The following ACSL1 variants were observed in gnomAD, a reference collection of about 807,000 sequenced individuals.
ACSL1 encodes acyl-CoA synthetase long chain family member 1.
In ACSL1, 41 loss-of-function variants were observed where a neutral mutation model predicts 98.4. The observed-to-expected ratio is 0.42, with a 90% CI of 0.32 to 0.54. The LOEUF (loss-of-function observed/expected upper bound fraction) is 0.54. ACSL1 is among the 20% of genes least tolerant of loss of function. The pLI, the probability that ACSL1 is intolerant of heterozygous loss-of-function variation, is 0.13. For missense variants in ACSL1, 734 were observed against 883.1 expected (o/e 0.83, Z 2.14); for synonymous variants, 316 against 322.7 (o/e 0.98, Z 0.22).
chr4:184,819,510 T>C (rs1238240491), intron 1 of ACSL1, among the ~76,000 whole-genome samples: 1 of 152,112 alleles, frequency 6.6e-6, no homozygotes, highest in Non-Finnish European at 1.5e-5. Flanking sequence ...TTTCAGTGTC[T>C]TGATCTTAGC....
chr4:184,815,616 G>A (rs1354353929), intron 1 of ACSL1, among the ~76,000 whole-genome samples: 7 of 152,088 alleles, frequency 4.6e-5, no homozygotes, highest in Admixed American at 4.6e-4. Flanking sequence ...AAAGGGCAAA[G>A]GTTGGGTAGA....
chr4:184,782,264 TA>T (rs33965361), intron 4 of ACSL1, among the ~76,000 whole-genome samples: 17 of 143,222 alleles, frequency 1.2e-4, no homozygotes, highest in South Asian at 2.2e-4. Flanking sequence ...CATACATTCT[TA>T]AAAAAAAAAA....
rs1341099310 is a variant in ACSL1, at chr4:184,786,029, G to C, written c.311-2038C>G. Among the ~76,000 whole-genome samples the C allele has an allele frequency of 2.0e-5, 3 of 152,066 alleles. No individual in the cohort carries two copies. The East Asian group carries it at 5.8e-4, about 29-fold the overall frequency. On this transcript the variant is annotated intron_variant, in intron 3 of 20. Coordinates refer to ENST00000281455, the MANE Select transcript of ACSL1 (RefSeq NM_001995.5). ...CGGAGTGAGTGTGTGAGTGTGAGTG[G>C]GTGTGAGTATGAGTCTCCCTACGAT...
rs574287279 is a variant in ACSL1, at chr4:184,777,115, C to T, written c.478-132G>A. 115 of 758,676 alleles carry T rather than the reference C, an allele frequency of 1.5e-4. No homozygotes were observed. The East Asian group carries it at 2.9e-3, about 19-fold the overall frequency. The allele number at this position is 758,676 out of a possible 1,614,324, so 47.0% of individuals were successfully genotyped here. A position where few individuals can be genotyped will look rare whatever the true frequency, so the allele number is the denominator to read the frequency against. On this transcript the variant is annotated intron_variant, in intron 5 of 20. Transcript: ENST00000281455. ...AAATTAACATCTGTGTTAGCTACTA[C>T]TCTGTGCCAGGTGCTATAAGGGATT...
At chr4:184,787,751 C>T (rs987645776) in intron 3 of ACSL1, among the ~76,000 whole-genome samples, 1 of 152,108 alleles carries the variant, frequency 6.6e-6, no homozygotes, top group African/African-American at 2.4e-5. Flanking sequence ...GTAATCCCAG[C>T]TACTCAGGAG....
Position 184,780,360 on chromosome 4 carries a change from A to G in ACSL1, c.449T>C (p.Ile150Thr), listed in dbSNP as rs1766038918. The change falls in exon 5 of 21, where the codon ATT becomes ACT. Residue 150 changes from isoleucine (I) to threonine (T), a missense_variant. Physicochemically the swap from Ile to Thr is moderately conservative, Grantham distance 89. Transcript: ENST00000281455. ...AGGTCTATTTTGAGCAAAGATGCCA[A>G]TGAACTGATCTGGGGCAGTCTTGAA... The part of the protein sequence containing the change: ...KGFKTAPDQF[I>T]GIFAQNRPEW... The G allele has an allele frequency of 2.5e-6, 4 of 1,613,798 alleles. No individual in the cohort carries two copies. The Admixed American group carries it at 5.0e-5, about 20-fold the overall frequency.
chr4:184,757,874 G>T lies in ACSL1; in HGVS notation c.1829C>A (p.Ser610Tyr). 1 of 1,614,082 alleles carries T rather than the reference G, an allele frequency of 6.2e-7. No individual in the cohort carries two copies. The highest frequency in any genetic ancestry group is 8.5e-7 in the Non-Finnish European group (1 of 1,180,022). The change falls in exon 19 of 21, where the codon TCC (serine) becomes TAC (tyrosine). Residue 610 changes from serine (S) to tyrosine (Y), a missense_variant. By Grantham distance (144) the Ser-to-Tyr change is moderately radical. Coordinates refer to ENST00000281455, the MANE Select transcript of ACSL1 (RefSeq NM_001995.5). The surrounding 1 kb of genome is among the most constrained non-coding windows in gnomAD (Gnocchi z 4.5). The part of the protein sequence containing the change: ...IVVPDVETLC[S>Y]WAQKRGFEGS... ...TTCAAATCCTCTCTTTTGGGCCCAGGAACATAATGTCTCAACATCTGGTAC... is the reference window on the plus strand; with the variant it reads ...TTCAAATCCTCTCTTTTGGGCCCAGTAACATAATGTCTCAACATCTGGTAC...
At chr4:184,778,280 G>A (rs1765629603) in intron 5 of ACSL1, among the ~76,000 whole-genome samples, 1 of 152,216 alleles carries the variant, frequency 6.6e-6, no homozygotes, top group Admixed American at 6.5e-5. Flanking sequence ...CACAGCCGGG[G>A]GAAGGGGGCA....
chr4:184,761,703 G>A (rs1762872628), intron 17 of ACSL1, among the ~76,000 whole-genome samples: 1 of 152,202 alleles, frequency 6.6e-6, no homozygotes, highest in South Asian at 2.1e-4. Flanking sequence ...ATTGCTGGAA[G>A]TCTACCACAA....
chr4:184,765,940 G>A lies in ACSL1; in HGVS notation c.1310C>T (p.Pro437Leu), dbSNP rs747993311. The change falls in exon 14 of 21, where the codon CCG (proline) becomes CTG (leucine). Residue 437 changes from proline to leucine, a missense_variant. By Grantham distance (98) the Pro-to-Leu change is moderately conservative. Coordinates refer to ENST00000281455, the MANE Select transcript of ACSL1 (RefSeq NM_001995.5). Reference protein sequence around the residue: ...RVRLMVTGAAPVSATVLTFLR... With the variant: ...RVRLMVTGAALVSATVLTFLR... ...GAACGTCAGCACAGTGGCAGACACC[G>A]GGGCGGCTCCTGTCACCATCAGCCG... 8 of 1,613,900 alleles carry A rather than the reference G, an allele frequency of 5.0e-6. No individual in the cohort carries two copies. The highest frequency in any genetic ancestry group is 3.3e-5 in the Admixed American group (2 of 59,992).
intron 12 of ACSL1, 181 bp downstream of exon 12, chr4:184,768,135 C>T: frequency 3.4e-6 from 2 of 595,400 alleles, no homozygotes; most frequent in South Asian, 2.8e-5. Flanking sequence ...TCTTATAATC[C>T]TTATCAGCCA....
intron 1 of ACSL1, chr4:184,808,307 T>G: frequency 1.0e-6 from 1 of 985,386 alleles, no homozygotes; most frequent in Non-Finnish European, 1.2e-6. Flanking sequence ...CATTGTATTC[T>G]CTTCATGTCA....
chr4:184,766,193 G>A lies in ACSL1; in HGVS notation c.1264-207C>T, dbSNP rs1278170170. 6.6e-6 allele frequency among the ~76,000 whole-genome samples: 1 copy of A among 152,186 alleles called. No individual in the cohort carries two copies. The highest frequency in any genetic ancestry group is 1.5e-5 in the Non-Finnish European group (1 of 68,038). On this transcript the variant is annotated intron_variant, in intron 13 of 20. Transcript: ENST00000281455. The surrounding 1 kb of genome is among the most constrained non-coding windows in gnomAD (Gnocchi z 4.8). ...GTGACTGCCCTGTTCCCTCCCAATG[G>A]GGATGGAAGTCAGCCCCACCTCTGC...
chr4:184,799,229 G>A (rs1028076013), intron 2 of ACSL1, among the ~76,000 whole-genome samples: 11 of 149,476 alleles, frequency 7.4e-5, no homozygotes, highest in Middle Eastern at 3.5e-3. Flanking sequence ...AGCAATTCCC[G>A]TCTCAGCCTC....
Position 184,786,465 on chromosome 4 carries a change from C to T in ACSL1, c.310+2152G>A, listed in dbSNP as rs1026088169. On this transcript the variant is annotated intron_variant, in intron 3 of 20. Coordinates refer to ENST00000281455, the MANE Select transcript of ACSL1 (RefSeq NM_001995.5). ...ACACACACACACACACACACTGTTT[C>T]ATGTGCCATATGTTAGGCTGATCCA... Among the ~76,000 whole-genome samples the T allele has an allele frequency of 2.0e-5, 3 of 150,928 alleles. No homozygotes were observed. In the South Asian group the frequency reaches 6.3e-4, roughly 31 times the overall value.
At chr4:184,810,830 T>C (rs903880004) in intron 1 of ACSL1, among the ~76,000 whole-genome samples, 2 of 152,162 alleles carry the variant, frequency 1.3e-5, no homozygotes, top group Non-Finnish European at 2.9e-5. Flanking sequence ...GTGTGTCAGG[T>C]GCTGTGCTAC....
At chr4:184,770,272 A>G in intron 11 of ACSL1, 127 bp downstream of exon 11, 1 of 1,545,382 alleles carries the variant, frequency 6.5e-7, no homozygotes, top group South Asian at 1.2e-5. Flanking sequence ...AACTGTTCAT[A>G]AATGTGAGCA....
chr4:184,816,775 C>T lies in ACSL1; in HGVS notation c.-33+9141G>A, dbSNP rs565917570. 2.6e-5 allele frequency among the ~76,000 whole-genome samples: 4 copies of T among 152,182 alleles called. No individual in the cohort carries two copies. In the South Asian group the frequency reaches 8.3e-4, roughly 32 times the overall value. On this transcript the variant is annotated intron_variant, in intron 1 of 20. Transcript: ENST00000281455. Reference sequence around the variant, plus strand: ...TGTCTCTCAGGTGACATTTCTGAGGCCTCCACGGCTCTATGGTTCTACCGC... The same window carrying T: ...TGTCTCTCAGGTGACATTTCTGAGGTCTCCACGGCTCTATGGTTCTACCGC...
chr4:184,817,838 C>T (rs1455598842), intron 1 of ACSL1, among the ~76,000 whole-genome samples: 2 of 152,198 alleles, frequency 1.3e-5, no homozygotes, highest in East Asian at 1.9e-4. Flanking sequence ...GGCTTGAGGC[C>T]GAGACCCACG....
Sources: allele counts gnomAD v4.1 joint callset (sites outside exome capture counted in the v4.1 genomes callset), GRCh38; gene constraint gnomAD v4.1.1; non-coding constraint Gnocchi (gnomAD v3.1); transcripts MANE v1.5; gene names NCBI Gene and HGNC (gene_info 2026-07-23, HGNC 2026-07-21).